Variants in TRPM5 observed in about 807,000 individuals in gnomAD.
TRPM5 encodes transient receptor potential cation channel subfamily M member 5.
A neutral mutation model predicts 124.9 loss-of-function variants in TRPM5; 121 were observed. The ratio of observed to expected loss-of-function variants is 0.97; its 90% confidence interval spans 0.84 to 1.13. TRPM5 has a LOEUF of 1.13. Ranked by LOEUF, TRPM5 falls within the 50% of genes most tolerant of loss-of-function variation. The pLI is 0.00. For synonymous variants in TRPM5, 781 were observed against 700.5 expected (o/e 1.11, Z -1.81); for missense variants, 1,643 against 1,589.1 (o/e 1.03, Z -0.58).
chr11:2,423,204 A>T (rs113553943), upstream of TRPM5, among the ~76,000 whole-genome samples: 1 of 152,134 alleles, frequency 6.6e-6, no homozygotes, highest in African/African-American at 2.4e-5. Flanking sequence ...TGCCCCAGGG[A>T]CCTTCTCTCC....
the TRPM5 span, among the ~76,000 whole-genome samples, chr11:2,434,923 C>T: frequency 6.6e-6 from 1 of 152,172 alleles, no homozygotes; most frequent in Admixed American, 6.5e-5. Flanking sequence ...TCCGATCACC[C>T]ATCAGTTCAT....
chr11:2,435,569 G>A, the TRPM5 span, among the ~76,000 whole-genome samples: 7 of 150,344 alleles, frequency 4.7e-5, no homozygotes, highest in South Asian at 4.3e-4. The surrounding 1 kb of genome is among the most constrained non-coding windows in gnomAD (Gnocchi z 4.1). Flanking sequence ...CCATCTATCC[G>A]TCCATCTGTC....
upstream of TRPM5, among the ~76,000 whole-genome samples, chr11:2,424,162 C>T (rs541351339): frequency 6.9e-4 from 105 of 152,376 alleles, no homozygotes; most frequent in African/African-American, 2.4e-3. Flanking sequence ...TGTACCCAGG[C>T]GCTCTGGGCT....
At chr11:2,418,423 CA>C (rs1337665697) in intron 5 of TRPM5, 65 bp from the exon 11 acceptor site, 1 of 1,507,716 alleles carries the variant, frequency 6.6e-7, no homozygotes, top group Non-Finnish European at 8.9e-7. Context: ...ATGCAGGTGT[CA>C]GGGGTGCCCC....
rs567192126 is a variant in TRPM5 at position 2,422,074 on chromosome 11, G to A, written c.298+67C>T. 1.0e-5 allele frequency: 15 copies of A among 1,491,216 alleles called. No individual in the cohort carries two copies. In the African/African-American group the frequency reaches 1.1e-4, roughly 11 times the overall value. The allele number at this position is 1,491,216 out of a possible 1,614,324, so 92.4% of individuals were successfully genotyped here. ...GGGAGCACTGCCTGTGCCGGGTTGC[G>A]GGGACAGTCAGGGGGTCGGGCTGCC... On this transcript the variant is annotated intron_variant, in intron 2 of 23. Coordinates refer to ENST00000155858, the Ensembl canonical transcript of TRPM5.
At position 2,418,624 on chromosome 11, in the gene TRPM5, C is replaced by T. The variant is rs756088169; in HGVS notation, c.650-33G>A. The T allele has an allele frequency of 5.0e-6, 8 of 1,596,060 alleles. No homozygotes were observed. The East Asian group carries it at 1.6e-4, about 32-fold the overall frequency. On this transcript the variant is annotated intron_variant, in intron 4 of 23. Transcript: ENST00000155858. Reference sequence around the variant, plus strand: ...CAGGGCACCCGTGAGGCCTGAGGACCCTCCGCCTGGGGTGACCACCCGGAT... The same window carrying T: ...CAGGGCACCCGTGAGGCCTGAGGACTCTCCGCCTGGGGTGACCACCCGGAT...
At chr11:2,418,469 C>T in intron 5 of TRPM5, 58 bp downstream of exon 10, 1 of 1,567,254 alleles carries the variant, frequency 6.4e-7, no homozygotes. Flanking sequence ...GTGCCCAGAA[C>T]CCACCGCACC....
the TRPM5 span, among the ~76,000 whole-genome samples, chr11:2,435,906 T>TCATC: frequency 6.6e-6 from 1 of 152,212 alleles, no homozygotes; most frequent in Non-Finnish European, 1.5e-5. This position sits in a 1 kb window ranked among gnomAD's most constrained non-coding sequence, Gnocchi z 4.1. Flanking sequence ...CAGTCTCTGG[T>TCATC]CTCAGGATGC....
At chr11:2,441,107 G>T in the TRPM5 span, among the ~76,000 whole-genome samples, 2 of 152,216 alleles carry the variant, frequency 1.3e-5, no homozygotes, top group Non-Finnish European at 2.9e-5. This position sits in a 1 kb window ranked among gnomAD's most constrained non-coding sequence, Gnocchi z 7.2. Context: ...AGCCTGAGAG[G>T]CTGGGAGAGG....
intron 12 of TRPM5, 54 bp downstream of exon 17, chr11:2,414,007 T>TCGGGGGGGCCCCCCCCCCCCCCCCCC: frequency 9.3e-7 from 1 of 1,072,596 alleles, no homozygotes; most frequent in Non-Finnish European, 1.4e-6. Context: ...TGGGCCCAGC[T>TCGGGGGGGCCCCCCCCCCCCCCCCCC]CGCCCGCCCA....
intron 18 of TRPM5, chr11:2,410,722 A>G (rs942776151): frequency 2.2e-6 from 1 of 455,238 alleles, no homozygotes; most frequent in South Asian, 1.6e-5. Flanking sequence ...AGCCCCAGCC[A>G]GCTACAGGGG....
intron 18 of TRPM5, among the ~76,000 whole-genome samples, chr11:2,409,532 G>T (rs1034071404): frequency 6.6e-6 from 1 of 152,230 alleles, no homozygotes. Context: ...AGTGCAGAGT[G>T]GGGCAGGGGT....
At chr11:2,404,920 G>A (rs370051580) in exon 24 of TRPM5, 26 of 1,605,188 alleles carry the variant, frequency 1.6e-5, no homozygotes, top group African/African-American at 1.3e-4. Flanking sequence ...GGCCCCACAC[G>A]TGGCAGGCCA....
Position 2,415,910 on chromosome 11 carries a change from C to CGGAA in TRPM5, c.1123_1124insTTCC (p.Trp375PhefsTer6), listed in dbSNP as rs1565011747. The stretch of plus-strand genomic sequence containing the variant: ...GTAGGCAGGGCTGGGAGGCACCTTC[C>CGGAA]ACTCCACGTCCCCATTGAAGATCTC... On this transcript the variant is annotated frameshift_variant, in exon 8 of 24. Transcript: ENST00000155858. LOFTEE classifies it high-confidence loss of function. The CGGAA allele has an allele frequency of 1.3e-6, 2 of 1,572,160 alleles. No homozygotes were observed. The highest frequency in any genetic ancestry group is 8.6e-7 in the Non-Finnish European group (1 of 1,158,318).
chr11:2,413,475 C>A lies in TRPM5; in HGVS notation c.2003+1G>T. On this transcript the variant is annotated splice_donor_variant, in intron 13 of 23. Transcript: ENST00000155858. LOFTEE classifies it high-confidence loss of function. ...CCGGGCAGCTCACAGGCCTCACCCA[C>A]CTGAAGGTGATGAGGTTGGTATAGA... 1 of 1,608,482 alleles carries A rather than the reference C, an allele frequency of 6.2e-7. No homozygotes were observed. The highest frequency in any genetic ancestry group is 8.5e-7 in the Non-Finnish European group (1 of 1,178,380).
the TRPM5 span, among the ~76,000 whole-genome samples, chr11:2,429,429 G>A: frequency 6.6e-6 from 1 of 151,694 alleles, no homozygotes; most frequent in Admixed American, 6.6e-5. This position sits in a 1 kb window ranked among gnomAD's most constrained non-coding sequence, Gnocchi z 8.4. Flanking sequence ...TGATGATAGT[G>A]TTAATAATTG....
At chr11:2,424,150 C>T (rs1483209581), upstream of TRPM5, among the ~76,000 whole-genome samples, 2 of 152,268 alleles carry the variant, frequency 1.3e-5, no homozygotes, top group Admixed American at 6.5e-5. Flanking sequence ...CTGTGCCCAC[C>T]TTGTACCCAG....
At chr11:2,414,779 G>A (rs1394761338) in exon 11 of TRPM5, 1 of 1,564,990 alleles carries the variant, frequency 6.4e-7, no homozygotes, top group Non-Finnish European at 8.6e-7. Flanking sequence ...CCGTCTCCAG[G>A]TGCGACATCT....
At chr11:2,437,730 C>T in the TRPM5 span, among the ~76,000 whole-genome samples, 2 of 152,098 alleles carry the variant, frequency 1.3e-5, no homozygotes, top group African/African-American at 4.8e-5. This position sits in a 1 kb window ranked among gnomAD's most constrained non-coding sequence, Gnocchi z 5.6. Context: ...ACTGGGTCTG[C>T]ATTAGAGGCT....
Sources: gnomAD v4.1 joint callset for allele counts (sites outside exome capture counted in the v4.1 genomes callset) on GRCh38, gnomAD v4.1.1 for gene constraint, Gnocchi (gnomAD v3.1) non-coding constraint, MANE v1.5 for transcripts, NCBI Gene and HGNC (gene_info 2026-07-23, HGNC 2026-07-21) for gene names.